The following DNAH12 variants were observed in gnomAD, a reference collection of about 807,000 sequenced individuals.
DNAH12 encodes axonemal beta dynein heavy chain 12.
DNAH12 carries 285 observed loss-of-function variants against 371.5 expected under a neutral mutation model. The observed-to-expected ratio is 0.77, with a 90% CI of 0.70 to 0.85. DNAH12 has a LOEUF of 0.85. Ranked by LOEUF, DNAH12 falls within the 40% of genes least tolerant of loss-of-function variation. The probability of loss-of-function intolerance (pLI) is 0.00; values close to 1 mark genes in which losing one functional copy is unlikely to be tolerated. For synonymous variants in DNAH12, 1,200 were observed against 1,213.0 expected, an observed-to-expected ratio of 0.99 and a Z score of 0.22; for missense variants, 3,611 against 3,689.4, an observed-to-expected ratio of 0.98 and a Z score of 0.55.
intron 37 of DNAH12, 31 bp downstream of exon 37, chr3:57,419,336 C>A: frequency 1.4e-6 from 2 of 1,467,660 alleles, no homozygotes; most frequent in South Asian, 1.5e-5. Context: ...CTTTTACATT[C>A]AAAATGCTTG....
intron 55 of DNAH12, among the ~76,000 whole-genome samples, chr3:57,372,005 G>T (rs2063184893): frequency 1.0e-5 from 1 of 100,302 alleles, no homozygotes; most frequent in East Asian, 2.0e-4. Flanking sequence ...TTTTTTCAAG[G>T]TTGGTTAATA....
chr3:57,508,216 CA>C (rs1354881705), intron 7 of DNAH12, among the ~76,000 whole-genome samples, 165 bp downstream of exon 7: 3 of 140,340 alleles, frequency 2.1e-5, no homozygotes, highest in South Asian at 2.3e-4. Flanking sequence ...AAAAAAAAAC[CA>C]AAAAAAACCC....
At chr3:57,460,088 G>C (rs1421914320) in intron 19 of DNAH12, among the ~76,000 whole-genome samples, 5 of 152,138 alleles carry the variant, frequency 3.3e-5, no homozygotes, top group Admixed American at 1.3e-4. Context: ...TCTACCAGCA[G>C]TGGTTATCAA....
chr3:57,326,325 C>A (rs1202037154), intron 62 of DNAH12, among the ~76,000 whole-genome samples: 7 of 151,920 alleles, frequency 4.6e-5, no homozygotes, highest in Non-Finnish European at 7.4e-5. Context: ...TCGGGTTACC[C>A]ACAAAGGGAA....
intron 13 of DNAH12, among the ~76,000 whole-genome samples, chr3:57,481,476 G>A (rs7649193): frequency 0.66 from 99,459 of 149,810 alleles, 33,137 homozygotes; most frequent in South Asian, 0.75. Flanking sequence ...AATCAATATC[G>A]TGAAAATGGC....
At chr3:57,519,633 T>G (rs2068334540) in intron 4 of DNAH12, 5 of 1,214,846 alleles carry the variant, frequency 4.1e-6, no homozygotes, top group Middle Eastern at 2.7e-4. Context: ...CCACCAAGGC[T>G]CTGAACAACT....
In DNAH12 at chr3:57,413,827, T is replaced by C. The variant is rs1399341109; in HGVS notation, c.5939A>G (p.Asp1980Gly). 6.4e-7 allele frequency: 1 copy of C among 1,551,126 alleles called. No individual in the cohort carries two copies. The change falls in exon 39 of 74, where the codon GAT becomes GGT. Residue 1980 changes from aspartate (D) to glycine (G), a missense_variant. Asp to Gly is a moderately conservative substitution (Grantham distance 94, BLOSUM62 -1). Around this residue, in one of 3 missense-constraint regions of DNAH12, gnomAD observed 2,266 missense variants for 2,236.9 expected, o/e 1.01. Coordinates refer to ENST00000495027, the MANE Select transcript of DNAH12 (RefSeq NM_001366028.2). ...MGKKCIIFID[D>G]MNMPALEKYG... is the part of the protein sequence containing the mutation. ...CTTCTCCAATGCAGGCATATTCATA[T>C]CATCTATAAAAATTATACACTTCTT...
intron 29 of DNAH12, among the ~76,000 whole-genome samples, chr3:57,438,934 G>GAAAAAAAAAAAAAAAAAA (rs1559659768): frequency 4.1e-5 from 2 of 48,276 alleles, no homozygotes; most frequent in African/African-American, 7.0e-5. Flanking sequence ...AAAAAAAAAG[G>GAAAAAAAAAAAAAAAAAA]AAAGCAACTC....
chr3:57,360,544 C>T (rs1396208466), intron 58 of DNAH12, among the ~76,000 whole-genome samples: 7 of 151,960 alleles, frequency 4.6e-5, no homozygotes, highest in African/African-American at 1.2e-4. Flanking sequence ...CAAAATTAGC[C>T]GGGTGTGGTG....
intron 25 of DNAH12, among the ~76,000 whole-genome samples, chr3:57,448,284 C>G (rs143232570): frequency 0.011 from 1,642 of 151,956 alleles, 19 homozygotes; most frequent in South Asian, 0.05. Context: ...CTCGCTGGCT[C>G]AGGAGTGAAG....
intron 35 of DNAH12, among the ~76,000 whole-genome samples, chr3:57,424,559 C>T (rs557015159): frequency 2.0e-5 from 3 of 147,904 alleles, no homozygotes; most frequent in South Asian, 2.2e-4. Flanking sequence ...GGGTGGATCA[C>T]GAGGTCAGGA....
chr3:57,458,127 G>A lies in DNAH12; in HGVS notation c.3025C>T (p.Leu1009Phe). ...EKIMKGLNAY[L>F]EKKRLFFPRF... ...GGGAAGAAAAGACGTTTCTTTTCAAGATATGCGTTAAGACCTTTCATAATT... is the reference window on the plus strand; with the variant it reads ...GGGAAGAAAAGACGTTTCTTTTCAAAATATGCGTTAAGACCTTTCATAATT... Residue 1009 changes from leucine (L) to phenylalanine (F), a missense_variant, in exon 21 of 74, where the codon CTT (leucine) becomes TTT (phenylalanine). Leu to Phe is a conservative substitution (Grantham distance 22, BLOSUM62 0). Around this residue, in one of 3 missense-constraint regions of DNAH12, gnomAD observed 1,314 missense variants for 1,398.7 expected, o/e 0.94. Coordinates refer to ENST00000495027, the MANE Select transcript of DNAH12 (RefSeq NM_001366028.2). 6.5e-7 allele frequency: 1 copy of A among 1,547,462 alleles called. No homozygotes were observed. The highest frequency in any genetic ancestry group is 1.2e-5 in the South Asian group (1 of 82,490).
In DNAH12 at chr3:57,380,356, G is replaced by A. The variant is rs1575523885; in HGVS notation, c.8004C>T (p.Tyr2668=). The change falls in exon 51 of 74, where the codon TAC becomes TAT. Residue 2668 remains tyrosine (Y), a synonymous_variant. Coordinates refer to ENST00000495027, the MANE Select transcript of DNAH12 (RefSeq NM_001366028.2). Reference sequence around the variant, plus strand: ...CCAGAAGTTTTTTGCTAGGTCCCCAGTAATCTAATATCTACAAATAAAATT... The same window carrying A: ...CCAGAAGTTTTTTGCTAGGTCCCCAATAATCTAATATCTACAAATAAAATT... The part of the protein sequence containing the change: ...PSGTGGKILD[Y]WGPSKKLLGD... The A allele has an allele frequency of 1.3e-5, 2 of 152,096 alleles. No individual in the cohort carries two copies. Among genetic ancestry groups the A allele is most frequent in the East Asian group, 1.9e-4 (1 of 5,198 alleles). 9.4% of individuals were successfully genotyped at this position (152,096 alleles called of 1,614,324 possible). A position where few individuals can be genotyped will look rare whatever the true frequency, so the allele number is the denominator to read the frequency against.
At chr3:57,552,362 G>A in the DNAH12 span, among the ~76,000 whole-genome samples, 7 of 152,004 alleles carry the variant, frequency 4.6e-5, no homozygotes, top group African/African-American at 9.7e-5. Context: ...CAGCCAATGC[G>A]GACAATTTAT....
In DNAH12 at chr3:57,413,900, C is replaced by A. The variant is rs1204668421; in HGVS notation, c.5866G>T (p.Ala1956Ser). 2 of 1,550,002 alleles carry A rather than the reference C, an allele frequency of 1.3e-6. No homozygotes were observed. The highest frequency in any genetic ancestry group is 2.4e-5 in the South Asian group (2 of 83,562). Residue 1956 changes from alanine (A) to serine (S), a missense_variant, in exon 39 of 74, where the codon GCT becomes TCT. This residue lies in a region of DNAH12 where 2,266 missense variants were observed against 2,236.9 expected (regional missense o/e 1.01). Coordinates refer to ENST00000495027, the MANE Select transcript of DNAH12 (RefSeq NM_001366028.2). ...CCTTTGCGTCTTTTATCCAATCTAG[C>A]CATGATAATGTTCTAAAATATGAAG... ...SANQVQNIIMARLDKRRKGVF... is the reference protein window; with the variant it reads ...SANQVQNIIMSRLDKRRKGVF...
At chr3:57,301,391 T>A (rs1175594206) in intron 70 of DNAH12, among the ~76,000 whole-genome samples, 2 of 150,558 alleles carry the variant, frequency 1.3e-5, no homozygotes, top group African/African-American at 2.4e-5. Flanking sequence ...AAACTTAGAA[T>A]CTTGGTCTCA....
In DNAH12 at chr3:57,510,775, T is replaced by G. The variant is rs2067963898; in HGVS notation, c.469+15A>C. ...CAAGGTGAAAGAAGCCTGGTGTGTG[T>G]TAGATGCTACTTACCCAAATATCTC... On this transcript the variant is annotated intron_variant, in intron 5 of 73. Coordinates refer to ENST00000495027, the MANE Select transcript of DNAH12 (RefSeq NM_001366028.2). 5 of 1,612,016 alleles carry G rather than the reference T, an allele frequency of 3.1e-6. No individual in the cohort carries two copies. The highest frequency in any genetic ancestry group is 4.2e-6 in the Non-Finnish European group (5 of 1,179,496).
chr3:57,466,899 A>AT (rs1009366470), intron 17 of DNAH12, among the ~76,000 whole-genome samples: 182 of 149,538 alleles, frequency 1.2e-3, no homozygotes, highest in African/African-American at 4.1e-3. Flanking sequence ...GTGTAGCTGA[A>AT]TTTTTTTTAC....
At chr3:57,448,096 T>G (rs11130583) in intron 25 of DNAH12, among the ~76,000 whole-genome samples, 64,500 of 152,106 alleles carry the variant, frequency 0.42, 15,272 homozygotes, top group South Asian at 0.57. Context: ...CCCTTTATTG[T>G]GAATAATAAA....
Sources: gnomAD v4.1 joint callset for allele counts (sites outside exome capture counted in the v4.1 genomes callset) on GRCh38, gnomAD v4.1.1 for gene constraint, gnomAD v4.1.1 regional missense constraint, MANE v1.5 for transcripts, NCBI Gene and HGNC (gene_info 2026-07-23, HGNC 2026-07-21) for gene names.